Variants in ELMO1 observed in about 807,000 individuals in gnomAD.
ELMO1 encodes the protein engulfment and cell motility 1.
A neutral mutation model predicts 98.9 loss-of-function variants in ELMO1; 26 were observed. That is an observed-to-expected ratio of 0.26 (90% confidence interval 0.19 to 0.36). The LOEUF is 0.36. Among genes scored for constraint, ELMO1 ranks in the 10% least tolerant of loss-of-function variants. ELMO1 has a pLI of 1.00. For synonymous variants in ELMO1, 346 were observed against 346.0 expected (o/e 1.00, Z 0.00); for missense variants, 627 against 935.2 (o/e 0.67, Z 4.30).
chr7:37,422,688 T>A (rs1264980085), intron 1 of ELMO1, among the ~76,000 whole-genome samples: 1 of 152,228 alleles, frequency 6.6e-6, no homozygotes. Context: ...TTAAAACTCA[T>A]TTACTGATTG....
chr7:37,006,411 C>T (rs188641744), intron 16 of ELMO1, among the ~76,000 whole-genome samples: 4 of 152,262 alleles, frequency 2.6e-5, no homozygotes, highest in Admixed American at 1.3e-4. Flanking sequence ...TTGCCACTAC[C>T]GGTTTACAGG....
chr7:37,417,146 A>G (rs954652475), intron 1 of ELMO1, among the ~76,000 whole-genome samples: 1 of 152,218 alleles, frequency 6.6e-6, no homozygotes, highest in African/African-American at 2.4e-5. Context: ...TGGACACACC[A>G]CTGAAGAGGG....
At chr7:36,978,244 G>A (rs1790756264) in intron 16 of ELMO1, among the ~76,000 whole-genome samples, 1 of 151,798 alleles carries the variant, frequency 6.6e-6, no homozygotes, top group Non-Finnish European at 1.5e-5. Flanking sequence ...GAGCCCAGAG[G>A]TAGAGCCCCA....
At chr7:36,955,075 T>C (rs1046119619) in intron 16 of ELMO1, among the ~76,000 whole-genome samples, 5 of 152,136 alleles carry the variant, frequency 3.3e-5, no homozygotes, top group Non-Finnish European at 7.4e-5. Context: ...CAAAAGGGGC[T>C]CTCTCATGCC....
chr7:37,358,660 T>G (rs966826498), intron 1 of ELMO1, among the ~76,000 whole-genome samples: 13 of 152,184 alleles, frequency 8.5e-5, no homozygotes, highest in African/African-American at 3.1e-4. Context: ...CTTTCAAATC[T>G]TACTTTTCTC....
In ELMO1 at chr7:37,192,979, A is replaced by C. The variant is rs200302474; in HGVS notation, c.1086+18407T>G. Among the ~76,000 whole-genome samples, 74 of 35,280 alleles carry C rather than the reference A, an allele frequency of 2.1e-3. No individual in the cohort carries two copies. In the Middle Eastern group the frequency reaches 0.041, roughly 19 times the overall value. 23.1% of individuals were successfully genotyped at this position (35,280 alleles called of 152,430 possible). A position where few individuals can be genotyped will look rare whatever the true frequency, so the allele number is the denominator to read the frequency against. ...TTTTATATATATAGGAGATATATAT[A>C]TATATATATATATATATATATATAT... On this transcript the variant is annotated intron_variant, in intron 13 of 21. Coordinates refer to ENST00000310758, the MANE Select transcript of ELMO1 (RefSeq NM_014800.11).
At chr7:37,363,724 G>A (rs1046395593) in intron 1 of ELMO1, among the ~76,000 whole-genome samples, 10 of 152,180 alleles carry the variant, frequency 6.6e-5, no homozygotes, top group African/African-American at 2.2e-4. Context: ...AATCTTGAAT[G>A]TGCTTGCCTT....
At chr7:37,438,325 T>C (rs948230344) in intron 1 of ELMO1, among the ~76,000 whole-genome samples, 3 of 151,036 alleles carry the variant, frequency 2.0e-5, no homozygotes, top group East Asian at 2.0e-4. Flanking sequence ...CGGTGGCTCA[T>C]GCCTGTAATC....
chr7:37,108,260 C>T (rs1310037293), intron 14 of ELMO1, among the ~76,000 whole-genome samples: 1 of 152,154 alleles, frequency 6.6e-6, no homozygotes, highest in Non-Finnish European at 1.5e-5. Context: ...CCCTCTGGTA[C>T]AGCTCTCCTA....
intron 16 of ELMO1, among the ~76,000 whole-genome samples, chr7:36,970,491 G>A (rs1789843945): frequency 1.3e-5 from 2 of 152,312 alleles, no homozygotes; most frequent in South Asian, 4.1e-4. Context: ...CCACTCTGTG[G>A]TTAACTAGCT....
chr7:37,024,347 A>G (rs1373714644), intron 15 of ELMO1, among the ~76,000 whole-genome samples: 1 of 152,192 alleles, frequency 6.6e-6, no homozygotes, highest in African/African-American at 2.4e-5. Flanking sequence ...GGTGAACTTC[A>G]ATGGGAAGCC....
chr7:37,181,903 G>A (rs1790885323), intron 13 of ELMO1, among the ~76,000 whole-genome samples: 1 of 152,100 alleles, frequency 6.6e-6, no homozygotes, highest in Non-Finnish European at 1.5e-5. Context: ...TATTTTCTCA[G>A]TAGAGAAAAG....
At chr7:37,274,129 G>A (rs1036727325) in intron 4 of ELMO1, among the ~76,000 whole-genome samples, 2 of 152,154 alleles carry the variant, frequency 1.3e-5, no homozygotes, top group Admixed American at 6.5e-5. Flanking sequence ...ACATGGTACT[G>A]AATGCCTCTT....
intron 15 of ELMO1, among the ~76,000 whole-genome samples, chr7:37,093,957 A>T (rs57168149): frequency 0.16 from 25,060 of 152,186 alleles, 2,814 homozygotes; most frequent in African/African-American, 0.31. Context: ...TAAAAAACAT[A>T]ATGACAAAAC....
chr7:37,352,465 T>C (rs1438832215), intron 1 of ELMO1, among the ~76,000 whole-genome samples: 2 of 152,240 alleles, frequency 1.3e-5, no homozygotes, highest in African/African-American at 4.8e-5. Flanking sequence ...ACGTAACACG[T>C]GTTCTGTGAA....
At chr7:36,948,725 C>T (rs1584418612) in intron 16 of ELMO1, among the ~76,000 whole-genome samples, 2 of 152,234 alleles carry the variant, frequency 1.3e-5, no homozygotes, top group Non-Finnish European at 2.9e-5. Flanking sequence ...CCAGTTCTCA[C>T]TGTTCCTAAA....
intron 1 of ELMO1, among the ~76,000 whole-genome samples, chr7:37,415,007 G>A (rs1804153390): frequency 6.6e-6 from 1 of 152,184 alleles, no homozygotes; most frequent in Non-Finnish European, 1.5e-5. Flanking sequence ...TATCTAAGTT[G>A]ATTTGACCTT....
At chr7:37,127,883 A>C (rs904638206) in intron 14 of ELMO1, among the ~76,000 whole-genome samples, 4 of 152,136 alleles carry the variant, frequency 2.6e-5, no homozygotes, top group Non-Finnish European at 5.9e-5. Flanking sequence ...CCAGTGAATA[A>C]AATTAAATAC....
chr7:37,245,381 C>CA (rs1794949613), intron 6 of ELMO1, among the ~76,000 whole-genome samples: 1 of 152,140 alleles, frequency 6.6e-6, no homozygotes, highest in Admixed American at 6.5e-5. Context: ...ACACGGTTGA[C>CA]AAACGATTTT....
Sources: gnomAD v4.1 joint callset for allele counts (sites outside exome capture counted in the v4.1 genomes callset) on GRCh38, gnomAD v4.1.1 for gene constraint, MANE v1.5 for transcripts, NCBI Gene and HGNC (gene_info 2026-07-23, HGNC 2026-07-21) for gene names.